Variants in ANKRD17 observed in about 807,000 individuals in gnomAD.
ANKRD17 encodes ankyrin repeat domain-containing protein 17.
ANKRD17 carries 19 observed loss-of-function variants against 229.7 expected under a neutral mutation model. The observed-to-expected ratio is 0.08, with a 90% CI of 0.06 to 0.12. ANKRD17 has a LOEUF of 0.12. ANKRD17 is among the 10% of genes least tolerant of loss of function. The pLI is 1.00. For synonymous variants in ANKRD17, 1,112 were observed against 1,146.1 expected (o/e 0.97, Z 0.60); for missense variants, 2,176 against 3,176.8 (o/e 0.68, Z 7.57).
In ANKRD17 at chr4:73,139,621, C is replaced by T; in HGVS notation, c.2995G>A (p.Gly999Arg). 4 of 1,614,100 alleles carry T rather than the reference C, an allele frequency of 2.5e-6. No individual in the cohort carries two copies. Among genetic ancestry groups the T allele is most frequent in the Non-Finnish European group, 3.4e-6 (4 of 1,180,008 alleles). ...VLGQAQLAGL[G>R]QGILTETQQG... ...TGTGTTTCTGTCAGAATTCCTTGCC[C>T]CAGCCCTGCCAACTGTGCTTGGCCC... Residue 999 changes from glycine (G) to arginine (R), a missense_variant, in exon 15 of 34, where the codon GGG becomes AGG. Physicochemically the swap from Gly to Arg is moderately radical, Grantham distance 125 (BLOSUM62 -2). Transcript: ENST00000358602.
intron 1 of ANKRD17, chr4:73,223,149 A>G (rs1352523831): frequency 9.5e-7 from 1 of 1,049,078 alleles, no homozygotes; most frequent in African/African-American, 1.6e-5. Context: ...AAAGCAGCTT[A>G]GCTGTTCACT....
chr4:73,112,156 T>C (rs1277630641), intron 24 of ANKRD17, among the ~76,000 whole-genome samples: 1 of 152,170 alleles, frequency 6.6e-6, no homozygotes, highest in Non-Finnish European at 1.5e-5. Context: ...GGCAGATCAT[T>C]ACAGGATCTT....
intron 5 of ANKRD17, 140 bp from the exon 6 acceptor site, chr4:73,154,253 A>G (rs1017241435): frequency 1.3e-5 from 5 of 376,774 alleles, no homozygotes; most frequent in African/African-American, 2.1e-5. Flanking sequence ...ATGTAAATAT[A>G]TATCTATATA....
chr4:73,208,907 T>C (rs11935070), intron 1 of ANKRD17, among the ~76,000 whole-genome samples: 90,367 of 151,924 alleles, frequency 0.59, 27,252 homozygotes, highest in African/African-American at 0.68. Context: ...CAGAAATCAA[T>C]TAAACAAAAA....
intron 21 of ANKRD17, 150 bp downstream of exon 21, chr4:73,120,011 GA>G (rs1726509702): frequency 1.3e-6 from 1 of 798,704 alleles, no homozygotes; most frequent in Non-Finnish European, 2.0e-6. Context: ...TGGAGGGTTG[GA>G]AAACAATGGG....
rs755286370 is a variant in ANKRD17 at position 73,142,225 on chromosome 4, A to C, written c.2229+17T>G. On this transcript the variant is annotated intron_variant, in intron 13 of 33. Transcript: ENST00000358602. ...AAGAAGACATACCATAAAATGCTTT[A>C]ATTTTTAAAATCTTACCCTATTTAA... is the stretch of plus-strand genomic sequence containing the variant. 1 of 1,528,200 alleles carries C rather than the reference A, an allele frequency of 6.5e-7. No homozygotes were observed. 94.7% of individuals were successfully genotyped at this position (1,528,200 alleles called of 1,614,324 possible).
chr4:73,106,248 AAAAT>A (rs111766766), intron 24 of ANKRD17, among the ~76,000 whole-genome samples: 1 of 152,122 alleles, frequency 6.6e-6, no homozygotes, highest in African/African-American at 2.4e-5. Flanking sequence ...CGTCTCAAAA[AAAAT>A]AAATAAATAA....
chr4:73,178,446 G>A (rs560869408), intron 1 of ANKRD17, among the ~76,000 whole-genome samples: 7 of 151,882 alleles, frequency 4.6e-5, no homozygotes, highest in South Asian at 2.1e-4. Flanking sequence ...TAATTTTATC[G>A]CTTCATCAAG....
chr4:73,130,035 G>A (rs1008521645), intron 16 of ANKRD17, among the ~76,000 whole-genome samples: 6 of 151,866 alleles, frequency 4.0e-5, no homozygotes, highest in Admixed American at 2.6e-4. Flanking sequence ...AAAGTGCTGG[G>A]ATTACAGGTG....
At chr4:73,145,978 T>C (rs1730234838) in intron 10 of ANKRD17, among the ~76,000 whole-genome samples, 1 of 152,144 alleles carries the variant, frequency 6.6e-6, no homozygotes, top group Admixed American at 6.6e-5. Context: ...AATCTTAGAA[T>C]CTCGGGGCCA....
chr4:73,250,499 A>C (rs1267923698), intron 1 of ANKRD17, among the ~76,000 whole-genome samples: 1 of 141,370 alleles, frequency 7.1e-6, no homozygotes, highest in African/African-American at 2.6e-5. Context: ...ATACTCAGGA[A>C]GGTGAGATGA....
In ANKRD17 at chr4:73,125,041, A is replaced by G; in HGVS notation, c.3364T>C (p.Leu1122=). Residue 1122 remains leucine (L), a synonymous_variant, in exon 18 of 34, where the codon TTG becomes CTG. Transcript: ENST00000358602. ...CCAACATGACCAGCTGTGGCAGCCAAGATGAGTGGAGTAAAACCTGGAGAA... is the reference window on the plus strand; with the variant it reads ...CCAACATGACCAGCTGTGGCAGCCAGGATGAGTGGAGTAAAACCTGGAGAA... The part of the protein sequence containing the change: ...RDKKGFTPLI[L]AATAGHVGVV... 1 of 1,614,228 alleles carries G rather than the reference A, an allele frequency of 6.2e-7. No individual in the cohort carries two copies.
intron 1 of ANKRD17, among the ~76,000 whole-genome samples, chr4:73,253,850 T>C (rs1745231244): frequency 6.6e-6 from 1 of 152,222 alleles, no homozygotes; most frequent in South Asian, 2.1e-4. Flanking sequence ...ACTTCAGCTA[T>C]TCAGAAGCCC....
At chr4:73,195,380 G>A (rs1737713464) in intron 1 of ANKRD17, among the ~76,000 whole-genome samples, 1 of 152,102 alleles carries the variant, frequency 6.6e-6, no homozygotes, top group African/African-American at 2.4e-5. Context: ...GTCTCATAAT[G>A]TGAGTGGAAA....
chr4:73,245,836 T>C (rs187133774), intron 1 of ANKRD17, among the ~76,000 whole-genome samples: 42 of 152,230 alleles, frequency 2.8e-4, no homozygotes, highest in Middle Eastern at 3.4e-3. Flanking sequence ...GACTAAGAGA[T>C]ATTTTGCTAT....
At chr4:73,105,626 T>TA (rs1247716515) in intron 24 of ANKRD17, among the ~76,000 whole-genome samples, 2 of 151,778 alleles carry the variant, frequency 1.3e-5, no homozygotes, top group Non-Finnish European at 2.9e-5. Flanking sequence ...AAATAAAATT[T>TA]AAAAAAAAGA....
At chr4:73,250,005 A>G (rs534643510) in intron 1 of ANKRD17, among the ~76,000 whole-genome samples, 5 of 152,346 alleles carry the variant, frequency 3.3e-5, no homozygotes, top group African/African-American at 1.2e-4. Context: ...CATCATTTTC[A>G]TGGTACAGCA....
rs148477736 is a variant in ANKRD17 at position 73,129,382 on chromosome 4, A to G, written c.3235-4070T>C. ...AATACTGAAGGAAAGACAACTTTTA[A>G]TGAGCTGAAATTCAGGTGAAAAAGC... On this transcript the variant is annotated intron_variant, in intron 16 of 33. Transcript: ENST00000358602. Among the ~76,000 whole-genome samples, 5 of 152,366 alleles carry G rather than the reference A, an allele frequency of 3.3e-5. No individual in the cohort carries two copies. In the East Asian group the frequency reaches 9.6e-4, roughly 29 times the overall value.
chr4:73,230,094 T>C (rs2149237557), intron 1 of ANKRD17, among the ~76,000 whole-genome samples: 1 of 152,186 alleles, frequency 6.6e-6, no homozygotes, highest in Non-Finnish European at 1.5e-5. Flanking sequence ...CATTTAAAAA[T>C]AAGAATGATT....
Sources: allele counts gnomAD v4.1 joint callset (sites outside exome capture counted in the v4.1 genomes callset), GRCh38; gene constraint gnomAD v4.1.1; transcripts MANE v1.5; gene names NCBI Gene and HGNC (gene_info 2026-07-23, HGNC 2026-07-21).